The following CIITA variants were observed in gnomAD, a reference collection of about 807,000 sequenced individuals.
CIITA encodes MHC class II transactivator.
CIITA carries 72 observed loss-of-function variants against 115.1 expected under a neutral mutation model. The ratio of observed to expected loss-of-function variants is 0.63; its 90% CI spans 0.52 to 0.76. The LOEUF is 0.76. Ranked by LOEUF, CIITA falls within the 30% of genes least tolerant of loss-of-function variation. The pLI is 0.00. For synonymous variants in CIITA, 763 were observed against 635.6 expected (o/e 1.20, Z -3.02); for missense variants, 1,617 against 1,463.8 (o/e 1.10, Z -1.71).
At chr16:10,868,600 C>T (rs2035257587) in intron 1 of CIITA, among the ~76,000 whole-genome samples, 2 of 152,170 alleles carry the variant, frequency 1.3e-5, no homozygotes, top group Admixed American at 6.5e-5. Context: ...GCGCAGACAG[C>T]CAGTGTGGTC....
At position 10,925,627 on chromosome 16, in the gene CIITA, G is replaced by A. The variant is rs8045414; in HGVS notation, c.*1772G>A. On this transcript the variant is annotated 3_prime_UTR_variant, in exon 20 of 20. Transcript: ENST00000324288. ...ACCCAGCCCACTTCTGCCATATTCT[G>A]TTGGCCAGTGTGACAAGGATTGCTA... The A allele has an allele frequency of 3.8e-3, 572 of 152,442 alleles. 5 individuals are homozygous for A. Among genetic ancestry groups the A allele is most frequent in the African/African-American group, 0.013 (537 of 41,578 alleles). The allele number at this position is 152,442 out of a possible 1,614,324, so 9.4% of individuals were successfully genotyped here.
At chr16:10,877,540 G>A (rs1029032597) in intron 1 of CIITA, among the ~76,000 whole-genome samples, 158 bp downstream of exon 1, 5 of 152,220 alleles carry the variant, frequency 3.3e-5, no homozygotes, top group Non-Finnish European at 7.3e-5. Context: ...ATGTGAAAGA[G>A]TTGTCTATTT....
intron 1 of CIITA, among the ~76,000 whole-genome samples, chr16:10,870,707 T>A (rs2035424741): frequency 6.6e-6 from 1 of 152,198 alleles, no homozygotes; most frequent in Admixed American, 6.5e-5. Flanking sequence ...GAATCTCAGT[T>A]TCTTCATCTC....
intron 13 of CIITA, among the ~76,000 whole-genome samples, chr16:10,911,173 A>G (rs1797564908): frequency 6.6e-6 from 1 of 151,678 alleles, no homozygotes; most frequent in African/African-American, 2.4e-5. Context: ...TTATATTTAG[A>G]TCTGTCAGAA....
rs569565118 is a variant in CIITA, at chr16:10,900,524, G to A, written c.437-990G>A. On this transcript the variant is annotated intron_variant, in intron 5 of 19. Transcript: ENST00000324288. ...GGAGGCCAAGGCTGGCAGATCACCTGAGGTCAAGAGTTTGAGACCAGCCTG... is the reference window on the plus strand; with the variant it reads ...GGAGGCCAAGGCTGGCAGATCACCTAAGGTCAAGAGTTTGAGACCAGCCTG... Among the ~76,000 whole-genome samples the A allele has an allele frequency of 3.9e-5, 6 of 152,236 alleles. No individual in the cohort carries two copies. In the East Asian group the frequency reaches 9.6e-4, roughly 24 times the overall value.
At chr16:10,908,493 A>T in intron 11 of CIITA, 1 of 446,024 alleles carries the variant, frequency 2.2e-6, no homozygotes, top group Non-Finnish European at 4.2e-6. Flanking sequence ...CTAAGAGTAA[A>T]GCCATGGCCT....
At chr16:10,917,672 G>A (rs2145032848) in intron 15 of CIITA, among the ~76,000 whole-genome samples, 1 of 152,048 alleles carries the variant, frequency 6.6e-6, no homozygotes, top group East Asian at 1.9e-4. Context: ...TAGAGACGGG[G>A]TTTCACCAGG....
At position 10,930,368 on chromosome 16, in the gene CIITA, C is replaced by T. The variant is rs1310417269; in HGVS notation, c.*6513C>T. ...GGAGGTGGGGTGGCTGTTCTGGGCA[C>T]TGAGCATTTAGCAGCATCTCTGGCT... is the stretch of plus-strand genomic sequence containing the variant. On this transcript the variant is annotated 3_prime_UTR_variant, in exon 20 of 20. Transcript: ENST00000324288. The T allele has an allele frequency of 2.0e-5, 3 of 152,216 alleles. No homozygotes were observed. The highest frequency in any genetic ancestry group is 2.0e-4 in the Admixed American group (3 of 15,264). The allele number at this position is 152,216 out of a possible 1,614,324, so 9.4% of individuals were successfully genotyped here.
chr16:10,909,356 C>G (rs1373730382), intron 12 of CIITA, among the ~76,000 whole-genome samples, 169 bp downstream of exon 12: 1 of 152,254 alleles, frequency 6.6e-6, no homozygotes, highest in Non-Finnish European at 1.5e-5. Flanking sequence ...ACTCGCTGCC[C>G]AGGCGGAGCC....
intron 16 of CIITA, among the ~76,000 whole-genome samples, chr16:10,921,648 G>T (rs2040277890): frequency 6.6e-6 from 1 of 152,240 alleles, no homozygotes; most frequent in African/African-American, 2.4e-5. Flanking sequence ...AAGAGGCATA[G>T]CTGGGATTTG....
At position 10,931,743 on chromosome 16, in the gene CIITA, T is replaced by A. The variant is rs2040806103; in HGVS notation, c.*7888T>A. 6.6e-6 allele frequency: 1 copy of A among 152,106 alleles called. No individual in the cohort carries two copies. Among genetic ancestry groups the A allele is most frequent in the East Asian group, 1.9e-4 (1 of 5,184 alleles). The allele number at this position is 152,106 out of a possible 1,614,324, so 9.4% of individuals were successfully genotyped here. On this transcript the variant is annotated 3_prime_UTR_variant, in exon 20 of 20. Transcript: ENST00000324288. ...AAACAAACAAACAAAAATACAAAAT[T>A]CGCTGGGCATGGTGGCAGGTGCCTG...
chr16:10,913,111 T>C (rs1032783123), intron 13 of CIITA, among the ~76,000 whole-genome samples: 1 of 152,166 alleles, frequency 6.6e-6, no homozygotes, highest in African/African-American at 2.4e-5. Flanking sequence ...TTCAACCTCC[T>C]AGGCATGCTT....
intron 16 of CIITA, among the ~76,000 whole-genome samples, chr16:10,921,704 A>G (rs1216536701): frequency 6.6e-6 from 1 of 152,228 alleles, no homozygotes. Context: ...AAGGCAAGAA[A>G]TGACTTCCTT....
chr16:10,866,752 A>G lies in CIITA; in HGVS notation c.-21+433A>G, dbSNP rs111328050. Among the ~76,000 whole-genome samples, 755 of 152,296 alleles carry G rather than the reference A, an allele frequency of 5.0e-3. 6 individuals are homozygous for G. The highest frequency in any genetic ancestry group is 0.017 in the African/African-American group (718 of 41,554). The stretch of plus-strand genomic sequence containing the variant: ...CTGTCTCTGTTGCTGGGTGTGCTGG[A>G]GCGAACGGCGTGCTTCCCACTCTGC... On this transcript the variant is annotated intron_variant, in intron 1 of 5. Transcript: ENST00000636238.
At chr16:10,900,592 T>G (rs2038628556) in intron 5 of CIITA, among the ~76,000 whole-genome samples, 2 of 151,662 alleles carry the variant, frequency 1.3e-5, no homozygotes, top group South Asian at 4.2e-4. Context: ...ATACAAAAAT[T>G]AGCCAGGCGT....
intron 1 of CIITA, chr16:10,888,489 T>G (rs2037184563): frequency 6.6e-6 from 1 of 152,270 alleles, no homozygotes; most frequent in African/African-American, 2.4e-5. Flanking sequence ...TAGAACATTG[T>G]GGCGACACCT....
At chr16:10,887,270 G>C (rs2037050103) in intron 1 of CIITA, among the ~76,000 whole-genome samples, 1 of 152,080 alleles carries the variant, frequency 6.6e-6, no homozygotes, top group African/African-American at 2.4e-5. Flanking sequence ...GAAAGGAAAA[G>C]GAGAAGACTG....
In CIITA at chr16:10,909,019, C is replaced by T. The variant is rs1337213724; in HGVS notation, c.2658-10C>T. On this transcript the variant is annotated splice_polypyrimidine_tract_variant and intron_variant, in intron 11 of 19. Transcript: ENST00000324288. ...TCACCGTGCCTGGGTCTGAGGCCCT[C>T]CCTCCACAGGGCTGCCTTGAGCGAC... 6 of 1,614,078 alleles carry T rather than the reference C, an allele frequency of 3.7e-6. No individual in the cohort carries two copies. The highest frequency in any genetic ancestry group is 1.7e-4 in the Middle Eastern group (1 of 6,046).
chr16:10,910,424 C>T (rs944093229), intron 13 of CIITA, among the ~76,000 whole-genome samples, 165 bp downstream of exon 13: 1 of 152,204 alleles, frequency 6.6e-6, no homozygotes, highest in African/African-American at 2.4e-5. Context: ...CCAGTGTGGG[C>T]AAATGCTGGA....
Sources: allele counts gnomAD v4.1 joint callset (sites outside exome capture counted in the v4.1 genomes callset), GRCh38; gene constraint gnomAD v4.1.1; transcripts MANE v1.5; gene names NCBI Gene and HGNC (gene_info 2026-07-23, HGNC 2026-07-21).